Variants in CSMD2 observed in about 807,000 individuals in gnomAD.
The protein encoded by CSMD2 is CUB and Sushi multiple domains 2, also known as CUB and sushi domain-containing protein 2.
A neutral mutation model predicts 398.5 loss-of-function variants in CSMD2; 130 were observed. That is an observed-to-expected ratio of 0.33 (90% CI 0.28 to 0.38). The LOEUF is 0.38. Ranked by LOEUF, CSMD2 falls within the 10% of genes least tolerant of loss-of-function variation. The pLI is 1.00. For synonymous variants in CSMD2, 1,828 were observed against 1,908.5 expected (o/e 0.96, Z 1.10); for missense variants, 3,829 against 4,764.9 (o/e 0.80, Z 5.78).
intron 9 of CSMD2, among the ~76,000 whole-genome samples, chr1:33,812,832 T>A (rs576910415): frequency 6.6e-6 from 1 of 152,334 alleles, no homozygotes; most frequent in East Asian, 1.9e-4. Flanking sequence ...CCATGTCTAT[T>A]CTGTTTCTCT....
Position 33,626,474 on chromosome 1 carries a change from T to A in CSMD2, c.5296+12A>T. The A allele has an allele frequency of 6.3e-7, 1 of 1,586,704 alleles. No individual in the cohort carries two copies. The highest frequency in any genetic ancestry group is 1.8e-5 in the Admixed American group (1 of 55,182). On this transcript the variant is annotated intron_variant, in intron 33 of 70. Coordinates refer to ENST00000373381, the MANE Select transcript of CSMD2 (RefSeq NM_001281956.2). ...ATCACCTTCCTACCTCCGGCGTCCA[T>A]GTCCTCCATACCTTGGTAGACAAAG...
intron 3 of CSMD2, among the ~76,000 whole-genome samples, chr1:33,980,481 T>C (rs560165534): frequency 1.3e-5 from 2 of 152,328 alleles, no homozygotes; most frequent in African/African-American, 4.8e-5. Context: ...TTCATTCATA[T>C]ACATCCCAAG....
intron 4 of CSMD2, among the ~76,000 whole-genome samples, chr1:33,924,503 G>A (rs2125301009): frequency 6.6e-6 from 1 of 152,234 alleles, no homozygotes; most frequent in East Asian, 1.9e-4. Context: ...AGTAAACATG[G>A]GGTGCAGGTA....
Position 33,794,483 on chromosome 1 carries a change from G to A in CSMD2, c.1447-1957C>T, listed in dbSNP as rs187661671. 1.6e-4 allele frequency among the ~76,000 whole-genome samples: 24 copies of A among 152,268 alleles called. No individual in the cohort carries two copies. The East Asian group carries it at 2.3e-3, about 15-fold the overall frequency. ...CAACCCAGGCAGAGGGAAAGGCAGCGGTGTGGAACAGGATGACTTATCCAG... is the reference window on the plus strand; with the variant it reads ...CAACCCAGGCAGAGGGAAAGGCAGCAGTGTGGAACAGGATGACTTATCCAG... On this transcript the variant is annotated intron_variant, in intron 10 of 70. Transcript: ENST00000373381.
intron 25 of CSMD2, among the ~76,000 whole-genome samples, chr1:33,670,898 G>C (rs545677664): frequency 5.9e-5 from 9 of 152,268 alleles, no homozygotes; most frequent in Admixed American, 5.9e-4. Flanking sequence ...TCCTGGGAGA[G>C]GTAACTACTG....
At chr1:33,871,937 C>T (rs1038028389) in intron 5 of CSMD2, among the ~76,000 whole-genome samples, 4 of 152,198 alleles carry the variant, frequency 2.6e-5, no homozygotes, top group African/African-American at 7.2e-5. Context: ...ACCAGTCCCA[C>T]TCTTGTGATA....
At chr1:33,883,098 C>G (rs1197908615) in intron 5 of CSMD2, among the ~76,000 whole-genome samples, 2 of 152,196 alleles carry the variant, frequency 1.3e-5, no homozygotes, top group Non-Finnish European at 2.9e-5. Flanking sequence ...TTACAAAGAT[C>G]TTTGCACTGA....
intron 2 of CSMD2, among the ~76,000 whole-genome samples, chr1:34,045,324 TCA>T (rs1282398381): frequency 6.6e-6 from 1 of 152,150 alleles, no homozygotes; most frequent in Non-Finnish European, 1.5e-5. Context: ...ACTGACACTC[TCA>T]GTCTTCAACA....
intron 49 of CSMD2, among the ~76,000 whole-genome samples, chr1:33,575,193 GGAGAGAGACACAGGT>G (rs970448609): frequency 6.6e-6 from 1 of 152,172 alleles, no homozygotes; most frequent in Non-Finnish European, 1.5e-5. Flanking sequence ...GATCTCTGAG[GGAGAGAGACACAGGT>G]GAGAGAGTGG....
At chr1:34,105,133 T>A (rs562272644) in intron 1 of CSMD2, among the ~76,000 whole-genome samples, 1 of 151,686 alleles carries the variant, frequency 6.6e-6, no homozygotes, top group Non-Finnish European at 1.5e-5. Flanking sequence ...ATGTGCACTA[T>A]TTTTTTTTAC....
rs74906042 is a variant in CSMD2, at chr1:33,794,503, A to G, written c.1447-1977T>C. ...GCAGCGGTGTGGAACAGGATGACTT[A>G]TCCAGAGAGGTCTAACTACTGAGTA... On this transcript the variant is annotated intron_variant, in intron 10 of 70. Transcript: ENST00000373381. Among the ~76,000 whole-genome samples, 367 of 152,332 alleles carry G rather than the reference A, an allele frequency of 2.4e-3. 3 individuals are homozygous for G. The highest frequency in any genetic ancestry group is 8.1e-3 in the African/African-American group (338 of 41,584).
chr1:33,930,005 T>G (rs560053337), intron 4 of CSMD2, among the ~76,000 whole-genome samples: 5 of 152,270 alleles, frequency 3.3e-5, no homozygotes, highest in Admixed American at 1.3e-4. Flanking sequence ...CACCACCTGT[T>G]TATTTGGCGT....
Position 33,550,188 on chromosome 1 carries a change from G to A in CSMD2, c.8906C>T (p.Pro2969Leu), listed in dbSNP as rs1657308685. 1 of 1,613,868 alleles carries A rather than the reference G, an allele frequency of 6.2e-7. No homozygotes were observed. Among genetic ancestry groups the A allele is most frequent in the Non-Finnish European group, 8.5e-7 (1 of 1,179,936 alleles). Residue 2969 changes from proline (P) to leucine (L), a missense_variant, in exon 56 of 71, where the codon CCT becomes CTT. Coordinates refer to ENST00000373381, the MANE Select transcript of CSMD2 (RefSeq NM_001281956.2). Reference protein sequence around the residue: ...GLDGHWTGSLPHCSGTSVGVC... With the variant: ...GLDGHWTGSLLHCSGTSVGVC... ...GCCATGCACCATACCTGAGCAGTGA[G>A]GGAGGGAGCCAGTCCAGTGTCCATC...
chr1:33,796,126 C>T (rs1654919386), intron 10 of CSMD2, among the ~76,000 whole-genome samples: 2 of 152,218 alleles, frequency 1.3e-5, no homozygotes, highest in Admixed American at 6.5e-5. Context: ...CTGTATTTGG[C>T]CTGTAGGCTA....
At chr1:33,578,039 G>A (rs2148715752) in intron 48 of CSMD2, among the ~76,000 whole-genome samples, 2 of 152,164 alleles carry the variant, frequency 1.3e-5, no homozygotes, top group East Asian at 3.9e-4. Context: ...CGTACATAAA[G>A]CCCCCAGCAC....
At chr1:33,901,023 T>C (rs986617265) in intron 5 of CSMD2, among the ~76,000 whole-genome samples, 1 of 152,148 alleles carries the variant, frequency 6.6e-6, no homozygotes, top group African/African-American at 2.4e-5. Flanking sequence ...AAAACCCAGC[T>C]GGGGAGAACC....
At chr1:33,991,541 C>T (rs1646554099) in intron 3 of CSMD2, among the ~76,000 whole-genome samples, 1 of 152,088 alleles carries the variant, frequency 6.6e-6, no homozygotes, top group Non-Finnish European at 1.5e-5. Context: ...TCATAGGTTT[C>T]CCTGCCTCAG....
intron 59 of CSMD2, 33 bp from the exon 60 acceptor site, chr1:33,540,731 T>C (rs764524333): frequency 1.2e-6 from 2 of 1,612,204 alleles, no homozygotes; most frequent in East Asian, 2.2e-5. Context: ...TGAGTTCTGA[T>C]GCTGTCCTGG....
chr1:33,945,762 C>G (rs547209773), intron 3 of CSMD2, among the ~76,000 whole-genome samples: 63 of 152,250 alleles, frequency 4.1e-4, no homozygotes, highest in Non-Finnish European at 7.4e-4. Context: ...CATCCTGCGG[C>G]CTATGTGAAC....
Sources: allele counts gnomAD v4.1 joint callset (sites outside exome capture counted in the v4.1 genomes callset), GRCh38; gene constraint gnomAD v4.1.1; transcripts MANE v1.5; gene names NCBI Gene and HGNC (gene_info 2026-07-23, HGNC 2026-07-21).